The following KLC4 variants were observed in gnomAD, a reference collection of about 807,000 sequenced individuals.
KLC4 encodes the protein kinesin-like protein 8.
Under a neutral mutation model 77.2 loss-of-function variants are expected in KLC4, and 49 were observed. That is an observed-to-expected ratio of 0.63 (90% CI 0.50 to 0.80). The LOEUF is 0.80. Among genes scored for constraint, KLC4 ranks in the 30% least tolerant of loss-of-function variants. The pLI is 0.00. For synonymous variants in KLC4, 274 were observed against 314.5 expected (o/e 0.87, Z 1.36); for missense variants, 669 against 793.5 (o/e 0.84, Z 1.89).
chr6:43,072,703 A>G, intron 12 of KLC4, 121 bp from the exon 13 acceptor site: 1 of 868,962 alleles, frequency 1.2e-6, no homozygotes, highest in Non-Finnish European at 1.8e-6. Flanking sequence ...CAGTAGGTAT[A>G]AACTGAGACA....
chr6:43,073,151 T>A, intron 13 of KLC4, 72 bp from the exon 14 acceptor site: 1 of 1,397,112 alleles, frequency 7.2e-7, no homozygotes, highest in Non-Finnish European at 1.0e-6. Flanking sequence ...GCAGAATAAA[T>A]GCTAGGAGTA....
At chr6:43,060,135 T>C in intron 1 of KLC4, 1 of 1,594,168 alleles carries the variant, frequency 6.3e-7, no homozygotes, top group Non-Finnish European at 8.6e-7. Context: ...TCCTGCATCA[T>C]CGGGCATTGT....
intron 8 of KLC4, 86 bp downstream of exon 8, chr6:43,070,951 T>C: frequency 1.7e-6 from 2 of 1,165,304 alleles, no homozygotes; most frequent in Non-Finnish European, 2.4e-6. Flanking sequence ...AGAGGCCACT[T>C]GGGTCCTAGA....
intron 6 of KLC4, among the ~76,000 whole-genome samples, chr6:43,069,925 C>G (rs1238963440): frequency 6.6e-6 from 1 of 152,058 alleles, no homozygotes; most frequent in Non-Finnish European, 1.5e-5. Context: ...GATGATGTAT[C>G]TCAGAAATCA....
At chr6:43,071,668 G>T (rs749163413) in intron 10 of KLC4, 49 bp downstream of exon 10, 36 of 1,583,464 alleles carry the variant, frequency 2.3e-5, no homozygotes, top group Non-Finnish European at 3.0e-5. Context: ...GGCTACCGGG[G>T]TCTCTGTCTT....
intron 6 of KLC4, among the ~76,000 whole-genome samples, chr6:43,068,111 CAAAAAAAA>C (rs763158428): frequency 0.2 from 3,839 of 19,428 alleles, 44 homozygotes; most frequent in African/African-American, 0.37. Flanking sequence ...GACTCCGTCT[CAAAAAAAA>C]AAAAAAAAAA....
intron 1 of KLC4, 134 bp from the exon 2 acceptor site, chr6:43,061,175 ACT>A: frequency 4.0e-5 from 35 of 873,026 alleles, no homozygotes; most frequent in Non-Finnish European, 5.7e-5. Context: ...CCTGCTGGTC[ACT>A]CTCTCTCTCC....
In KLC4 at chr6:43,063,554, A is replaced by T. The variant is rs868068901; in HGVS notation, c.489+407A>T. On this transcript the variant is annotated intron_variant, in intron 3 of 15. Coordinates refer to ENST00000347162, the MANE Select transcript of KLC4 (RefSeq NM_201521.3). Reference sequence around the variant, plus strand: ...TAAAATTTGCTTTCAAAATGTGTGAATTTTTTTTTTTTTTTTGAGACGGAG... The same window carrying T: ...TAAAATTTGCTTTCAAAATGTGTGATTTTTTTTTTTTTTTTTGAGACGGAG... 1.8e-3 allele frequency among the ~76,000 whole-genome samples: 257 copies of T among 145,720 alleles called. 2 individuals are homozygous for T. The highest frequency in any genetic ancestry group is 0.014 in the Middle Eastern group (4 of 290).
chr6:43,062,023 G>A (rs1234515053), intron 2 of KLC4, among the ~76,000 whole-genome samples: 1 of 152,190 alleles, frequency 6.6e-6, no homozygotes, highest in African/African-American at 2.4e-5. Flanking sequence ...AGGGGAATGA[G>A]TCATGCCATA....
chr6:43,062,675 G>A (rs1765221646), intron 2 of KLC4: 1 of 556,172 alleles, frequency 1.8e-6, no homozygotes, highest in African/African-American at 1.9e-5. Flanking sequence ...AACGAGGCCA[G>A]TGAGGAAGTT....
chr6:43,074,229 G>T, intron 15 of KLC4: 1 of 461,004 alleles, frequency 2.2e-6, no homozygotes. Context: ...TTGGAATTAT[G>T]AATAATTTAA....
chr6:43,059,885 C>T (rs1765047592), intron 1 of KLC4, 200 bp downstream of exon 1: 41 of 1,216,922 alleles, frequency 3.4e-5, no homozygotes, highest in Non-Finnish European at 4.2e-5. Context: ...CCTGCGCCAC[C>T]GACTGACTCA....
chr6:43,059,878 G>A, intron 1 of KLC4, 193 bp downstream of exon 1: 1 of 1,208,424 alleles, frequency 8.3e-7, no homozygotes, highest in Middle Eastern at 3.4e-4. Flanking sequence ...CCCGCCCCCT[G>A]CGCCACCGAC....
intron 2 of KLC4, chr6:43,062,617 T>A: frequency 2.3e-6 from 1 of 430,672 alleles, no homozygotes; most frequent in Non-Finnish European, 4.3e-6. Context: ...TAACTTGGCA[T>A]CATCAGGTTG....
In KLC4 at chr6:43,066,360, C is replaced by G; in HGVS notation, c.626C>G (p.Ala209Gly). 1.2e-6 allele frequency: 2 copies of G among 1,614,178 alleles called. No homozygotes were observed. The highest frequency in any genetic ancestry group is 1.7e-6 in the Non-Finnish European group (2 of 1,180,032). Residue 209 changes from alanine (A) to glycine (G), a missense_variant, in exon 5 of 16, where the codon GCA (alanine) becomes GGA (glycine). Ala to Gly is a moderately conservative substitution (Grantham distance 60, BLOSUM62 0). Transcript: ENST00000347162. ...CAGCAGGGTGGATATGAGATCCCAGCAAGGTTGCGGACGTTGCACAACCTG... is the reference window on the plus strand; with the variant it reads ...CAGCAGGGTGGATATGAGATCCCAGGAAGGTTGCGGACGTTGCACAACCTG... The part of the protein sequence containing the change: ...AAQQGGYEIP[A>G]RLRTLHNLVI...
intron 6 of KLC4, among the ~76,000 whole-genome samples, chr6:43,069,877 G>A (rs527968903): frequency 1.1e-4 from 16 of 152,280 alleles, no homozygotes; most frequent in African/African-American, 3.8e-4. Context: ...TGATCTGTGT[G>A]AAAATAATTC....
At position 43,073,754 on chromosome 6, in the gene KLC4, G is replaced by A. The variant is rs531434274; in HGVS notation, c.1746-148G>A. ...GATCTCTGGAGAAGTATCTCGGAGA[G>A]AAACAGGGAGGAAGTCAACGGGCCA... On this transcript the variant is annotated intron_variant, in intron 14 of 15. Transcript: ENST00000347162. The A allele has an allele frequency of 8.8e-6, 6 of 683,992 alleles. No homozygotes were observed. In the African/African-American group the frequency reaches 9.0e-5, roughly 10 times the overall value. The allele number at this position is 683,992 out of a possible 1,614,324, so 42.4% of individuals were successfully genotyped here.
At chr6:43,068,098 C>G (rs1416508429) in intron 6 of KLC4, among the ~76,000 whole-genome samples, 1 of 67,840 alleles carries the variant, frequency 1.5e-5, no homozygotes, top group Non-Finnish European at 2.2e-5. Context: ...GGCGACAGAG[C>G]GAGACTCCGT....
Position 43,061,483 on chromosome 6 carries a change from A to G in KLC4, c.148A>G (p.Thr50Ala). ...GGCCGTGCTGCAAAGCCTGTCCCAG[A>G]CCATTGAGTGTCTGCAGCAGGGAGG... Reference protein sequence around the residue: ...HQAVLQSLSQTIECLQQGGHE... With the variant: ...HQAVLQSLSQAIECLQQGGHE... The change falls in exon 2 of 16, where the codon ACC (threonine) becomes GCC (alanine). Residue 50 changes from threonine to alanine, a missense_variant. Transcript: ENST00000347162. 6.2e-7 allele frequency: 1 copy of G among 1,614,142 alleles called. No homozygotes were observed.
Sources: allele counts gnomAD v4.1 joint callset (sites outside exome capture counted in the v4.1 genomes callset), GRCh38; gene constraint gnomAD v4.1.1; transcripts MANE v1.5; gene names NCBI Gene and HGNC (gene_info 2026-07-23, HGNC 2026-07-21).